The following YWHAE variants were observed in gnomAD, a reference collection of about 807,000 sequenced individuals.
YWHAE encodes the protein 14-3-3 protein epsilon.
In YWHAE, 4 loss-of-function variants were observed where a neutral mutation model predicts 30.1. That is an observed-to-expected ratio of 0.13 (90% CI 0.07 to 0.30). The LOEUF (loss-of-function observed/expected upper bound fraction) is 0.30. YWHAE is among the 10% of genes least tolerant of loss of function. The pLI, the probability that YWHAE is intolerant of heterozygous loss-of-function variation, is 1.00. For synonymous variants in YWHAE, 118 were observed against 111.8 expected, an observed-to-expected ratio of 1.06 and a Z score of -0.35; for missense variants, 121 against 315.9, an observed-to-expected ratio of 0.38 and a Z score of 4.68.
chr17:1,383,291 C>G (rs1234925878), intron 1 of YWHAE, among the ~76,000 whole-genome samples: 2 of 151,620 alleles, frequency 1.3e-5, no homozygotes, highest in African/African-American at 4.8e-5. Flanking sequence ...ACGAGGTTTC[C>G]GCGAGCTGAG....
chr17:1,350,504 G>A (rs888954559), intron 5 of YWHAE, among the ~76,000 whole-genome samples: 3 of 152,010 alleles, frequency 2.0e-5, no homozygotes, highest in African/African-American at 7.2e-5. Context: ...GTGCAATGGA[G>A]TGATCTTGGC....
At chr17:1,376,478 C>T (rs2073126853) in intron 1 of YWHAE, among the ~76,000 whole-genome samples, 1 of 152,158 alleles carries the variant, frequency 6.6e-6, no homozygotes, top group Admixed American at 6.6e-5. Context: ...AGGTTCACCC[C>T]TCTCCCAAAA....
chr17:1,352,980 T>C (rs1357994539), intron 5 of YWHAE, among the ~76,000 whole-genome samples: 1 of 152,190 alleles, frequency 6.6e-6, no homozygotes, highest in African/African-American at 2.4e-5. Flanking sequence ...TTCAACAATC[T>C]ACCATGGATC....
At chr17:1,385,144 CAAA>C (rs56023639) in intron 1 of YWHAE, among the ~76,000 whole-genome samples, 2 of 86,822 alleles carry the variant, frequency 2.3e-5, no homozygotes, top group African/African-American at 4.3e-5. Context: ...GACTCTGTCT[CAAA>C]AAAAAAAAAA....
intron 1 of YWHAE, among the ~76,000 whole-genome samples, chr17:1,368,969 T>C (rs1378970008): frequency 1.3e-5 from 2 of 152,232 alleles, no homozygotes; most frequent in Non-Finnish European, 2.9e-5. Flanking sequence ...TTTGTTCAAA[T>C]TTCTGTGCTT....
chr17:1,357,175 G>A (rs548894592), intron 4 of YWHAE, among the ~76,000 whole-genome samples: 14 of 151,518 alleles, frequency 9.2e-5, no homozygotes, highest in African/African-American at 2.4e-4. Flanking sequence ...AGGCCGAGGC[G>A]GGTGGATCAC....
In YWHAE at chr17:1,394,436, CAAAAAAAAAA is replaced by C. The variant is rs544115909; in HGVS notation, c.64+5601_64+5610del. Among the ~76,000 whole-genome samples the C allele has an allele frequency of 1.4e-4, 8 of 58,550 alleles. No individual in the cohort carries two copies. In the East Asian group the frequency reaches 3.1e-3, roughly 23 times the overall value. 38.4% of individuals were successfully genotyped at this position (58,550 alleles called of 152,430 possible). On this transcript the variant is annotated intron_variant, in intron 1 of 5. Transcript: ENST00000264335. ...GGGCAACATAGAGACCTCAAATCCA[CAAAAAAAAAA>C]AAAAAAAAAAAAAAACACAAAAATT...
Position 1,389,562 on chromosome 17 carries a change from G to A in YWHAE, c.64+10485C>T, listed in dbSNP as rs186294137. On this transcript the variant is annotated intron_variant, in intron 1 of 5. Transcript: ENST00000264335. The stretch of plus-strand genomic sequence containing the variant: ...TTTTTTTTTTTTGAGATGGAGTCTC[G>A]CTCTGTTGCCCAGGCTGGAGTGCAG... 5.9e-4 allele frequency among the ~76,000 whole-genome samples: 85 copies of A among 143,926 alleles called. No homozygotes were observed. In the East Asian group the frequency reaches 8.8e-3, roughly 15 times the overall value. 94.4% of individuals were successfully genotyped at this position (143,926 alleles called of 152,430 possible).
At position 1,346,602 on chromosome 17, in the gene YWHAE, T is replaced by C. The variant is rs537498882; in HGVS notation, c.716-1103A>G. 5.3e-5 allele frequency among the ~76,000 whole-genome samples: 8 copies of C among 152,278 alleles called. No homozygotes were observed. In the East Asian group the frequency reaches 1.5e-3, roughly 29 times the overall value. The stretch of plus-strand genomic sequence containing the variant: ...CATCAAGGTTTCAGTAGTTTTCAAA[T>C]CTCTTCTGCGGCGGAAACGCTTGAC... On this transcript the variant is annotated intron_variant, in intron 5 of 5. Transcript: ENST00000264335.
chr17:1,363,891 C>T (rs956621396), intron 2 of YWHAE, among the ~76,000 whole-genome samples: 6 of 152,158 alleles, frequency 3.9e-5, no homozygotes, highest in Non-Finnish European at 7.4e-5. Context: ...GCAGCACTCC[C>T]GACAGTTTGT....
chr17:1,390,678 T>C (rs1354366718), intron 1 of YWHAE, among the ~76,000 whole-genome samples: 1 of 152,230 alleles, frequency 6.6e-6, no homozygotes, highest in Non-Finnish European at 1.5e-5. Context: ...TGCCAAATGA[T>C]GAAATACTGT....
intron 1 of YWHAE, among the ~76,000 whole-genome samples, chr17:1,386,907 T>C (rs1598267329): frequency 1.3e-5 from 2 of 150,236 alleles, no homozygotes; most frequent in Non-Finnish European, 2.9e-5. Flanking sequence ...TGAGCCAAGA[T>C]CGCGCCATTG....
intron 1 of YWHAE, 178 bp downstream of exon 1, chr17:1,399,869 T>C (rs2073540626): frequency 1.4e-6 from 1 of 734,702 alleles, no homozygotes; most frequent in Admixed American, 2.2e-5. Flanking sequence ...GGGGTCACAT[T>C]CCAGGGCATA....
chr17:1,357,007 C>T (rs62087920), intron 4 of YWHAE, among the ~76,000 whole-genome samples: 1 of 151,900 alleles, frequency 6.6e-6, no homozygotes, highest in South Asian at 2.1e-4. Context: ...CGGTGGCTCA[C>T]GCCTGTAATC....
At chr17:1,353,176 C>A (rs987061975) in intron 5 of YWHAE, among the ~76,000 whole-genome samples, 1 of 152,094 alleles carries the variant, frequency 6.6e-6, no homozygotes, top group Non-Finnish European at 1.5e-5. Flanking sequence ...CGGTGGCTTG[C>A]GCCTGTAATC....
At chr17:1,384,716 T>C (rs1244149031) in intron 1 of YWHAE, among the ~76,000 whole-genome samples, 1 of 151,856 alleles carries the variant, frequency 6.6e-6, no homozygotes, top group Non-Finnish European at 1.5e-5. Context: ...AGTGAGCCAC[T>C]GCGCCCAGCC....
intron 1 of YWHAE, among the ~76,000 whole-genome samples, chr17:1,398,353 C>A (rs556536701): frequency 7.4e-6 from 1 of 134,236 alleles, no homozygotes; most frequent in South Asian, 2.6e-4. Context: ...CCAACAGGAA[C>A]CTTGTTGAAT....
At chr17:1,362,804 AAAC>A (rs1420239322) in intron 2 of YWHAE, among the ~76,000 whole-genome samples, 1 of 152,024 alleles carries the variant, frequency 6.6e-6, no homozygotes, top group Admixed American at 6.6e-5. Context: ...ATCCCAAGCA[AAAC>A]TACTTTCTGA....
At chr17:1,381,984 C>A (rs960194281) in intron 1 of YWHAE, among the ~76,000 whole-genome samples, 1 of 146,400 alleles carries the variant, frequency 6.8e-6, no homozygotes, top group African/African-American at 2.7e-5. Context: ...GGCACTGGAG[C>A]AAAGAAAAAG....
Sources: allele counts gnomAD v4.1 joint callset (sites outside exome capture counted in the v4.1 genomes callset), GRCh38; gene constraint gnomAD v4.1.1; transcripts MANE v1.5; gene names NCBI Gene and HGNC (gene_info 2026-07-23, HGNC 2026-07-21).